The following SFI1 variants were observed in gnomAD, a reference collection of about 807,000 sequenced individuals.
The protein encoded by SFI1 is protein SFI1 homolog.
SFI1 carries 195 observed loss-of-function variants against 207.5 expected under a neutral mutation model. The ratio of observed to expected loss-of-function variants is 0.94; its 90% CI spans 0.84 to 1.06. The LOEUF (loss-of-function observed/expected upper bound fraction) is 1.06, where lower values mean the gene tolerates loss of function less well. SFI1 is among the 50% of genes least tolerant of loss of function. The pLI, the probability that SFI1 is intolerant of heterozygous loss-of-function variation, is 0.00. For synonymous variants in SFI1, 630 were observed against 598.9 expected, an observed-to-expected ratio of 1.05 and a Z score of -0.76; for missense variants, 1,634 against 1,588.0, an observed-to-expected ratio of 1.03 and a Z score of -0.49.
chr22:31,580,206 T>C, intron 11 of SFI1, 66 bp from the exon 12 acceptor site: 1 of 1,301,642 alleles, frequency 7.7e-7, no homozygotes, highest in Non-Finnish European at 1.1e-6. Context: ...TGCCTTCCTC[T>C]ACTCTTAGTT....
intron 2 of SFI1, among the ~76,000 whole-genome samples, chr22:31,516,730 G>A (rs763046641): frequency 7.9e-5 from 12 of 151,494 alleles, no homozygotes; most frequent in Non-Finnish European, 1.3e-4. Context: ...TGAGGTGGGC[G>A]GATCACCTGA....
chr22:31,535,488 CT>C (rs774070290), intron 4 of SFI1, among the ~76,000 whole-genome samples: 19 of 151,144 alleles, frequency 1.3e-4, no homozygotes, highest in Non-Finnish European at 8.9e-5. Context: ...CGCGCCTGAC[CT>C]TTTTTTTGTT....
At chr22:31,570,150 A>AAATC (rs1038653010) in intron 8 of SFI1, among the ~76,000 whole-genome samples, 4 of 150,186 alleles carry the variant, frequency 2.7e-5, no homozygotes, top group East Asian at 1.9e-4. Context: ...ATAAATAAAT[A>AAATC]AATCAGAGAT....
intron 1 of SFI1, among the ~76,000 whole-genome samples, chr22:31,504,122 C>A (rs140330934): frequency 6.6e-6 from 1 of 151,972 alleles, no homozygotes; most frequent in Admixed American, 6.6e-5. Flanking sequence ...CAGACATGTA[C>A]AAATAGGTAG....
chr22:31,544,883 A>G (rs933996682), intron 4 of SFI1, among the ~76,000 whole-genome samples: 4 of 152,012 alleles, frequency 2.6e-5, no homozygotes, highest in African/African-American at 9.7e-5. Context: ...AAATATATCT[A>G]TTTTCCCTCT....
intron 5 of SFI1, among the ~76,000 whole-genome samples, chr22:31,549,344 A>AT (rs537577888): frequency 0.014 from 1,757 of 127,548 alleles, 14 homozygotes; most frequent in South Asian, 0.053. Context: ...AACATCATGG[A>AT]TTTTTTTTTT....
chr22:31,613,328 G>C (rs2070731409), intron 25 of SFI1, 26 bp from the exon 26 acceptor site: 2 of 1,603,082 alleles, frequency 1.2e-6, no homozygotes, highest in African/African-American at 2.7e-5. Context: ...GGGAGACCTG[G>C]GCCTCACCTC....
At chr22:31,600,511 C>T (rs947453010) in intron 15 of SFI1, among the ~76,000 whole-genome samples, 1 of 152,226 alleles carries the variant, frequency 6.6e-6, no homozygotes, top group Admixed American at 6.5e-5. Context: ...CAGTCACTCT[C>T]TGCTAGGCCT....
intron 8 of SFI1, among the ~76,000 whole-genome samples, chr22:31,567,044 T>C (rs2062385840): frequency 1.3e-5 from 2 of 152,290 alleles, no homozygotes; most frequent in East Asian, 3.9e-4. Context: ...TAGCTGGGAC[T>C]ATAGGCACCT....
chr22:31,583,182 C>T (rs931286171), intron 12 of SFI1, among the ~76,000 whole-genome samples: 1 of 152,138 alleles, frequency 6.6e-6, no homozygotes, highest in African/African-American at 2.4e-5. Context: ...GGTGCCATCT[C>T]GGCTCACTGC....
At chr22:31,594,970 G>A (rs1255786333) in intron 15 of SFI1, among the ~76,000 whole-genome samples, 3 of 151,444 alleles carry the variant, frequency 2.0e-5, no homozygotes, top group Non-Finnish European at 4.4e-5. Context: ...GGGACATAAT[G>A]AAGAAATAAT....
chr22:31,580,486 G>T, intron 12 of SFI1, 122 bp downstream of exon 12: 13 of 572,402 alleles, frequency 2.3e-5, no homozygotes, highest in Admixed American at 6.9e-5. Context: ...TTCAAGATTT[G>T]TCCAGACTGT....
At chr22:31,543,491 A>C (rs1217368805) in intron 4 of SFI1, among the ~76,000 whole-genome samples, 2 of 152,074 alleles carry the variant, frequency 1.3e-5, no homozygotes, top group East Asian at 3.9e-4. Flanking sequence ...TACCTTATGT[A>C]TGTCTTTGTA....
At chr22:31,538,738 TTG>T (rs1233043416) in intron 4 of SFI1, 2 of 152,320 alleles carry the variant, frequency 1.3e-5, no homozygotes, top group Admixed American at 1.3e-4. Context: ...TACCATCCTC[TTG>T]TGTTTTTTCT....
chr22:31,536,406 T>TTTTA (rs538659617), intron 4 of SFI1, among the ~76,000 whole-genome samples: 147 of 152,260 alleles, frequency 9.7e-4, no homozygotes, highest in Middle Eastern at 6.8e-3. Context: ...CTAAAATCCG[T>TTTTA]TTTATTTATT....
Position 31,613,494 on chromosome 22 carries a change from CTCCCGGCAGCAGCTGCAG to C in SFI1, c.2707_2724del (p.Ser903_Gln908del). The C allele has an allele frequency of 6.3e-7, 1 of 1,596,126 alleles. No individual in the cohort carries two copies. The highest frequency in any genetic ancestry group is 8.5e-7 in the Non-Finnish European group (1 of 1,175,522). On this transcript the variant is annotated inframe_deletion, in exon 26 of 33. Coordinates refer to ENST00000400288, the MANE Select transcript of SFI1 (RefSeq NM_001007467.3). ...TGCGCTTTGCAGCCAGCATGAAGGC[CTCCCGGCAGCAGCTGCAG>C]GCCCAGCAGCAGGTCCAGGTAGGCC... is the stretch of plus-strand genomic sequence containing the variant.
At chr22:31,599,223 G>A (rs1342135834) in intron 15 of SFI1, among the ~76,000 whole-genome samples, 1 of 151,952 alleles carries the variant, frequency 6.6e-6, no homozygotes, top group African/African-American at 2.4e-5. Flanking sequence ...TTACATTTAG[G>A]TCAATGATCA....
chr22:31,580,024 C>A, intron 11 of SFI1: 1 of 367,026 alleles, frequency 2.7e-6, no homozygotes, highest in East Asian at 5.2e-5. Context: ...TGTTCTTGTG[C>A]AGTATAGATG....
At chr22:31,526,184 C>A (rs1002168176) in intron 2 of SFI1, among the ~76,000 whole-genome samples, 4 of 152,014 alleles carry the variant, frequency 2.6e-5, no homozygotes, top group African/African-American at 9.7e-5. Flanking sequence ...AAATATGATA[C>A]CTGTATTAGA....
Sources: gnomAD v4.1 joint callset for allele counts (sites outside exome capture counted in the v4.1 genomes callset) on GRCh38, gnomAD v4.1.1 for gene constraint, MANE v1.5 for transcripts, NCBI Gene and HGNC (gene_info 2026-07-23, HGNC 2026-07-21) for gene names.